The following THEMIS variants were observed in gnomAD, a reference collection of about 807,000 sequenced individuals.
THEMIS encodes the protein thymocyte selection associated, also known as protein THEMIS.
THEMIS carries 37 observed loss-of-function variants against 52.6 expected under a neutral mutation model. The ratio of observed to expected loss-of-function variants is 0.70; its 90% CI spans 0.54 to 0.93. The LOEUF (loss-of-function observed/expected upper bound fraction) is 0.93, where lower values mean the gene tolerates loss of function less well. THEMIS is among the 40% of genes least tolerant of loss of function. THEMIS has a pLI of 0.00. For missense variants in THEMIS, 808 were observed against 763.1 expected, an observed-to-expected ratio of 1.06 and a Z score of -0.69; for synonymous variants, 292 against 272.7, an observed-to-expected ratio of 1.07 and a Z score of -0.70.
At chr6:127,789,554 C>A (rs1373657248) in intron 4 of THEMIS, among the ~76,000 whole-genome samples, 3 of 152,120 alleles carry the variant, frequency 2.0e-5, no homozygotes, top group Non-Finnish European at 4.4e-5. Flanking sequence ...ATACCAAAAC[C>A]TGGCAGAAAA....
intron 4 of THEMIS, among the ~76,000 whole-genome samples, chr6:127,776,495 G>T (rs559592055): frequency 7.9e-5 from 12 of 152,222 alleles, no homozygotes; most frequent in Non-Finnish European, 1.5e-4. Context: ...AGCATCTGGG[G>T]CCTGCCCCAA....
chr6:127,800,428 C>T (rs1031052693), intron 4 of THEMIS, among the ~76,000 whole-genome samples: 21 of 152,196 alleles, frequency 1.4e-4, no homozygotes, highest in Non-Finnish European at 2.9e-4. Context: ...GCTTAGATTT[C>T]TTTCCTAAAG....
At chr6:127,778,872 A>C (rs991364004) in intron 4 of THEMIS, among the ~76,000 whole-genome samples, 1 of 150,352 alleles carries the variant, frequency 6.7e-6, no homozygotes, top group African/African-American at 2.4e-5. Flanking sequence ...AAGGAATTGG[A>C]GAATAAAGAA....
chr6:127,808,554 T>C (rs1190449732), intron 4 of THEMIS, among the ~76,000 whole-genome samples: 1 of 152,206 alleles, frequency 6.6e-6, no homozygotes, highest in East Asian at 1.9e-4. Flanking sequence ...ATTTTGAGGA[T>C]TCCCCTGGCC....
chr6:127,736,548 T>C (rs1197717347), intron 4 of THEMIS, among the ~76,000 whole-genome samples: 1 of 152,148 alleles, frequency 6.6e-6, no homozygotes, highest in African/African-American at 2.4e-5. Flanking sequence ...TCTATGCAAG[T>C]ATGTGATCTA....
upstream of THEMIS, among the ~76,000 whole-genome samples, chr6:127,904,752 T>G (rs372608846): frequency 3.4e-4 from 51 of 152,144 alleles, no homozygotes; most frequent in Middle Eastern, 0.01. Flanking sequence ...TTGATAAACA[T>G]GTTCAAAACT....
intron 2 of THEMIS, among the ~76,000 whole-genome samples, chr6:127,848,612 C>A (rs1479225879): frequency 2.0e-5 from 3 of 152,182 alleles, no homozygotes; most frequent in African/African-American, 7.2e-5. Context: ...TTAATGATCG[C>A]CATTCTAACT....
chr6:127,792,120 C>T (rs1472764210), intron 4 of THEMIS, among the ~76,000 whole-genome samples: 2 of 152,198 alleles, frequency 1.3e-5, no homozygotes, highest in Non-Finnish European at 1.5e-5. Context: ...GAGCACTCAG[C>T]CCTGGCTGTG....
At chr6:127,822,702 A>G (rs1395420982) in intron 3 of THEMIS, among the ~76,000 whole-genome samples, 2 of 152,126 alleles carry the variant, frequency 1.3e-5, no homozygotes, top group Non-Finnish European at 2.9e-5. Flanking sequence ...TCAAACACTA[A>G]CCTAGGTGAT....
Position 127,813,015 on chromosome 6 carries a change from C to T in THEMIS, c.1626G>A (p.Met542Ile). The T allele has an allele frequency of 1.9e-6, 3 of 1,614,086 alleles. No homozygotes were observed. Among genetic ancestry groups the T allele is most frequent in the Non-Finnish European group, 2.5e-6 (3 of 1,179,998 alleles). The change falls in exon 4 of 6, where the codon ATG (methionine) becomes ATA (isoleucine). Residue 542 changes from methionine (M) to isoleucine (I), a missense_variant. Physicochemically the swap from Met to Ile is conservative, Grantham distance 10 (BLOSUM62 1). Coordinates refer to ENST00000368248, the MANE Select transcript of THEMIS (RefSeq NM_001010923.3). ...AGGCTGAGCTTTCATATCTCCGCAT[C>T]ATGTAATATTGCTCTTCAGTGATCT... ...VEEITEEQYY[M>I]MRRYESSASH...
chr6:127,907,054 A>G (rs1024140986), intron 1 of THEMIS, among the ~76,000 whole-genome samples: 1 of 152,026 alleles, frequency 6.6e-6, no homozygotes, highest in Non-Finnish European at 1.5e-5. Context: ...TGAGTAAAGA[A>G]TAAACCCTTA....
intron 1 of THEMIS, among the ~76,000 whole-genome samples, chr6:127,916,143 G>C (rs1243502195): frequency 6.6e-6 from 1 of 151,366 alleles, no homozygotes; most frequent in Non-Finnish European, 1.5e-5. Context: ...TATATTACGA[G>C]ACCTAGAGAA....
At chr6:127,785,430 C>A (rs1401029717) in intron 4 of THEMIS, among the ~76,000 whole-genome samples, 1 of 150,782 alleles carries the variant, frequency 6.6e-6, no homozygotes, top group African/African-American at 2.4e-5. Context: ...CAAACCTGCA[C>A]GTTGTGCACA....
chr6:127,714,390 A>T (rs1458941410), intron 5 of THEMIS, among the ~76,000 whole-genome samples: 1 of 151,906 alleles, frequency 6.6e-6, no homozygotes, highest in Non-Finnish European at 1.5e-5. Context: ...AAATTTTTAC[A>T]TGTCAAAAAT....
chr6:127,860,214 A>G (rs1669181034), intron 1 of THEMIS, among the ~76,000 whole-genome samples: 1 of 152,156 alleles, frequency 6.6e-6, no homozygotes, highest in Admixed American at 6.6e-5. Flanking sequence ...CCACTCTATG[A>G]AGAATGTGTC....
At chr6:127,897,585 C>G (rs959191176) in intron 1 of THEMIS, among the ~76,000 whole-genome samples, 3 of 151,446 alleles carry the variant, frequency 2.0e-5, no homozygotes, top group African/African-American at 7.3e-5. Context: ...AAACTAAAAC[C>G]ATGAGCTACC....
intron 1 of THEMIS, among the ~76,000 whole-genome samples, chr6:127,883,772 A>G (rs1347952923): frequency 6.6e-6 from 1 of 152,158 alleles, no homozygotes; most frequent in African/African-American, 2.4e-5. Context: ...ACTGTAGGCT[A>G]ATGTGAGGGT....
At position 127,709,962 on chromosome 6, in the gene THEMIS, T is replaced by G; in HGVS notation, c.*23A>C. 1.3e-6 allele frequency: 2 copies of G among 1,584,886 alleles called. No individual in the cohort carries two copies. Among genetic ancestry groups the G allele is most frequent in the Non-Finnish European group, 1.7e-6 (2 of 1,168,100 alleles). On this transcript the variant is annotated 3_prime_UTR_variant, in exon 6 of 6. Coordinates refer to ENST00000368248, the MANE Select transcript of THEMIS (RefSeq NM_001010923.3). ...CACTGCAACATTTATGTTTGCTGCC[T>G]AAGTGGCTTCTGTCACATCTTGTTA... is the stretch of plus-strand genomic sequence containing the variant.
Position 127,719,727 on chromosome 6 carries a change from C to T in THEMIS, c.1855G>A (p.Glu619Lys), listed in dbSNP as rs1447738168. 5 of 1,612,238 alleles carry T rather than the reference C, an allele frequency of 3.1e-6. No homozygotes were observed. The highest frequency in any genetic ancestry group is 4.2e-6 in the Non-Finnish European group (5 of 1,178,926). The change falls in exon 5 of 6, where the codon GAG becomes AAG. Residue 619 changes from glutamate to lysine, a missense_variant. Glu to Lys is a moderately conservative substitution (Grantham distance 56). Transcript: ENST00000368248. ...IGSQNDLVDE[E>K]KERSNRGATA... ...GCCCCACGGTTGCTCCTTTCTTTCT[C>T]TTCATCCACCAAATCATTCTGACTA...
Sources: gnomAD v4.1 joint callset for allele counts (sites outside exome capture counted in the v4.1 genomes callset) on GRCh38, gnomAD v4.1.1 for gene constraint, MANE v1.5 for transcripts, NCBI Gene and HGNC (gene_info 2026-07-23, HGNC 2026-07-21) for gene names.